PAK5: variants seen among roughly 807,000 people sequenced by gnomAD.
PAK5 encodes p21 (RAC1) activated kinase 5, also known as serine/threonine-protein kinase PAK 5.
PAK5 carries 16 observed loss-of-function variants against 65.9 expected under a neutral mutation model. That is an observed-to-expected ratio of 0.24 (90% CI 0.16 to 0.37). The LOEUF (loss-of-function observed/expected upper bound fraction) is 0.37, where lower values mean the gene tolerates loss of function less well. PAK5 is among the 10% of genes least tolerant of loss of function. The pLI, the probability that PAK5 is intolerant of heterozygous loss-of-function variation, is 1.00. For missense variants in PAK5, 785 were observed against 903.9 expected (o/e 0.87, Z 1.69); for synonymous variants, 371 against 354.9 (o/e 1.05, Z -0.51).
chr20:9,682,153 C>T (rs534236835), intron 2 of PAK5, among the ~76,000 whole-genome samples: 6 of 152,038 alleles, frequency 3.9e-5, no homozygotes, highest in African/African-American at 1.4e-4. Flanking sequence ...GTCAGGAGAT[C>T]GAGACCATCC....
intron 5 of PAK5, among the ~76,000 whole-genome samples, chr20:9,563,302 A>G (rs895805258): frequency 5.9e-5 from 9 of 152,348 alleles, no homozygotes; most frequent in Admixed American, 2.0e-4. Context: ...ATTTGCATTC[A>G]CAAGAGGGAG....
intron 3 of PAK5, among the ~76,000 whole-genome samples, chr20:9,613,970 A>T (rs1394299273): frequency 1.3e-5 from 2 of 152,226 alleles, no homozygotes; most frequent in African/African-American, 4.8e-5. Flanking sequence ...GCATAAAAAA[A>T]GGTAAAGACC....
At chr20:9,830,630 C>G (rs564948614) in intron 1 of PAK5, among the ~76,000 whole-genome samples, 1 of 152,142 alleles carries the variant, frequency 6.6e-6, no homozygotes, top group Admixed American at 6.5e-5. Context: ...AGGATTTTCT[C>G]TTACCTGAGA....
At chr20:9,717,995 C>T (rs547254550) in intron 1 of PAK5, among the ~76,000 whole-genome samples, 2 of 152,064 alleles carry the variant, frequency 1.3e-5, no homozygotes, top group East Asian at 1.9e-4. Flanking sequence ...ATCAGATGCT[C>T]ATTCATGATA....
intron 1 of PAK5, among the ~76,000 whole-genome samples, chr20:9,823,516 T>G (rs2049447830): frequency 6.6e-6 from 1 of 152,190 alleles, no homozygotes; most frequent in African/African-American, 2.4e-5. Context: ...ACAGATCTGA[T>G]GGTTTTATAA....
In PAK5 at chr20:9,538,716, AT is replaced by A. The variant is rs2045209365; in HGVS notation, c.*745del. The A allele has an allele frequency of 4.3e-6, 1 of 233,262 alleles. No homozygotes were observed. The highest frequency in any genetic ancestry group is 8.5e-6 in the Non-Finnish European group (1 of 117,916). The allele number at this position is 233,262 out of a possible 1,614,324, so 14.4% of individuals were successfully genotyped here. ...CAAGGAGTGGTATACTGTGGCTCAAATTTTATTTCATTATTTTTGGTTGGAT... is the reference window on the plus strand; with the variant it reads ...CAAGGAGTGGTATACTGTGGCTCAAATTTATTTCATTATTTTTGGTTGGAT... On this transcript the variant is annotated 3_prime_UTR_variant, in exon 10 of 10. Transcript: ENST00000353224.
At chr20:9,542,864 C>A in intron 8 of PAK5, 144 bp from the exon 9 acceptor site, 1 of 752,350 alleles carries the variant, frequency 1.3e-6, no homozygotes, top group South Asian at 2.0e-5. Flanking sequence ...ATAGGCTAAA[C>A]TGCTGGGTTA....
intron 3 of PAK5, among the ~76,000 whole-genome samples, chr20:9,630,495 A>G (rs532935426): frequency 4.2e-4 from 64 of 152,348 alleles, no homozygotes; most frequent in Non-Finnish European, 4.3e-4. Flanking sequence ...GCATCACCTA[A>G]TGGAGTGAAC....
intron 1 of PAK5, among the ~76,000 whole-genome samples, chr20:9,835,160 T>C (rs1168597751): frequency 6.6e-6 from 1 of 152,236 alleles, no homozygotes; most frequent in Non-Finnish European, 1.5e-5. Context: ...AGGCAGAGTA[T>C]TCGTTCCTTC....
chr20:9,719,961 G>A (rs1020256936), intron 1 of PAK5, among the ~76,000 whole-genome samples: 17 of 152,266 alleles, frequency 1.1e-4, no homozygotes, highest in African/African-American at 3.9e-4. Flanking sequence ...ACCTAAAATG[G>A]TAAAAGATAA....
At chr20:9,831,253 C>T (rs1392085745) in intron 1 of PAK5, among the ~76,000 whole-genome samples, 1 of 152,214 alleles carries the variant, frequency 6.6e-6, no homozygotes, top group East Asian at 1.9e-4. Flanking sequence ...TTCCCCATCC[C>T]CCGCCACATT....
chr20:9,660,890 T>G (rs1298078529), intron 2 of PAK5, among the ~76,000 whole-genome samples: 1 of 152,104 alleles, frequency 6.6e-6, no homozygotes, highest in Non-Finnish European at 1.5e-5. Flanking sequence ...CACAGGGCAG[T>G]AGTTCTTCAA....
At chr20:9,544,913 C>T (rs61559796) in intron 7 of PAK5, among the ~76,000 whole-genome samples, 606 of 152,238 alleles carry the variant, frequency 4.0e-3, no homozygotes, top group African/African-American at 0.014. Context: ...AATTTAGATT[C>T]TTTTGAGTTG....
intron 9 of PAK5, among the ~76,000 whole-genome samples, chr20:9,540,351 C>G (rs1353899960): frequency 3.9e-5 from 6 of 152,208 alleles, no homozygotes; most frequent in African/African-American, 1.2e-4. Flanking sequence ...CTCTAGGAAG[C>G]TACTTTTAGG....
Position 9,566,170 on chromosome 20 carries a change from C to A in PAK5, c.1205G>T (p.Ser402Ile), listed in dbSNP as rs2122997792. The A allele has an allele frequency of 1.2e-6, 2 of 1,613,808 alleles. No homozygotes were observed. Among genetic ancestry groups the A allele is most frequent in the Non-Finnish European group, 1.7e-6 (2 of 1,179,960 alleles). Residue 402 changes from serine to isoleucine, a missense_variant, in exon 5 of 10, where the codon AGC (serine) becomes ATC (isoleucine). By Grantham distance (142) the Ser-to-Ile change is moderately radical (BLOSUM62 -2). This residue lies in a region of PAK5 where 422 missense variants were observed against 413.3 expected (regional missense o/e 1.02). Transcript: ENST00000353224. ...GGTGCTGGATGAGAGGCTGAGGGAG[C>A]TCAGGTAGGAAGCCGTGGAGATGTA... ...SQYISTASYL[S>I]SLSLSSSTYP...
At chr20:9,631,452 A>T (rs1448719438) in intron 3 of PAK5, among the ~76,000 whole-genome samples, 4 of 152,222 alleles carry the variant, frequency 2.6e-5, no homozygotes, top group Non-Finnish European at 5.9e-5. Flanking sequence ...GCCTTGAAGA[A>T]GCAAGCTGTC....
At chr20:9,758,248 T>C (rs1282444683) in intron 1 of PAK5, among the ~76,000 whole-genome samples, 3 of 152,212 alleles carry the variant, frequency 2.0e-5, no homozygotes, top group African/African-American at 7.2e-5. Context: ...ATGTCCTTTC[T>C]AGCCTTATGC....
At chr20:9,812,319 A>G (rs898302959) in intron 1 of PAK5, among the ~76,000 whole-genome samples, 1 of 152,180 alleles carries the variant, frequency 6.6e-6, no homozygotes, top group African/African-American at 2.4e-5. Flanking sequence ...AATCAACACA[A>G]AATTTGAAGA....
chr20:9,620,763 G>T (rs2046753130), intron 3 of PAK5, among the ~76,000 whole-genome samples: 1 of 152,084 alleles, frequency 6.6e-6, no homozygotes, highest in South Asian at 2.1e-4. Flanking sequence ...GGAAGAGAGG[G>T]CTTCCTCCGT....
Sources: gnomAD v4.1 joint callset for allele counts (sites outside exome capture counted in the v4.1 genomes callset) on GRCh38, gnomAD v4.1.1 for gene constraint, gnomAD v4.1.1 regional missense constraint, MANE v1.5 for transcripts, NCBI Gene and HGNC (gene_info 2026-07-23, HGNC 2026-07-21) for gene names.